SNX6: variants seen among roughly 807,000 people sequenced by gnomAD.
SNX6 encodes sorting nexin 6.
Under a neutral mutation model 63.0 loss-of-function variants are expected in SNX6, and 34 were observed. That is an observed-to-expected ratio of 0.54 (90% CI 0.41 to 0.72). The LOEUF (loss-of-function observed/expected upper bound fraction) is 0.72. SNX6 is among the 30% of genes least tolerant of loss of function. SNX6 has a pLI of 0.00. For missense variants in SNX6, 398 were observed against 471.4 expected (o/e 0.84, Z 1.44); for synonymous variants, 170 against 164.2 (o/e 1.04, Z -0.27).
intron 10 of SNX6, among the ~76,000 whole-genome samples, chr14:34,576,911 G>A (rs1277985394): frequency 4.0e-5 from 6 of 150,392 alleles, no homozygotes; most frequent in Non-Finnish European, 8.9e-5. Flanking sequence ...GTGAAACCCC[G>A]TCTCTACTAA....
chr14:34,574,772 G>A (rs1234734308), intron 11 of SNX6, among the ~76,000 whole-genome samples: 1 of 151,836 alleles, frequency 6.6e-6, no homozygotes, highest in African/African-American at 2.4e-5. Context: ...TGATCAGGCT[G>A]GTCTCGAACT....
At chr14:34,563,415 C>T (rs1263387557) in intron 13 of SNX6, among the ~76,000 whole-genome samples, 3 of 151,958 alleles carry the variant, frequency 2.0e-5, no homozygotes, top group East Asian at 1.9e-4. Flanking sequence ...AAAAATTAGC[C>T]GGGCGTGGTG....
At chr14:34,603,601 G>T in intron 5 of SNX6, 130 bp from the exon 6 acceptor site, 1 of 720,692 alleles carries the variant, frequency 1.4e-6, no homozygotes. Flanking sequence ...TATAATTCAT[G>T]TAAACAAGGT....
chr14:34,607,319 T>C (rs1410502749), intron 4 of SNX6, among the ~76,000 whole-genome samples: 3 of 151,830 alleles, frequency 2.0e-5, no homozygotes, highest in Non-Finnish European at 4.4e-5. Flanking sequence ...TAAAAAAACA[T>C]ATCAGGCTGA....
intron 2 of SNX6, among the ~76,000 whole-genome samples, chr14:34,619,421 C>CA (rs201389023): frequency 3.5e-4 from 52 of 148,012 alleles, no homozygotes; most frequent in Non-Finnish European, 6.1e-4. Context: ...AACTCTGTCT[C>CA]AAAAAAATAT....
At chr14:34,588,216 C>T (rs1304305977) in intron 8 of SNX6, among the ~76,000 whole-genome samples, 1 of 152,026 alleles carries the variant, frequency 6.6e-6, no homozygotes, top group Admixed American at 6.6e-5. Context: ...ACCGTGCTAG[C>T]CAGGATGGTA....
intron 8 of SNX6, among the ~76,000 whole-genome samples, chr14:34,591,098 A>G (rs1436791269): frequency 6.6e-6 from 1 of 152,150 alleles, no homozygotes; most frequent in African/African-American, 2.4e-5. Context: ...AAGGGCCACA[A>G]GAAAACTTTG....
intron 7 of SNX6, among the ~76,000 whole-genome samples, chr14:34,595,630 G>A (rs931232650): frequency 6.6e-6 from 1 of 152,180 alleles, no homozygotes; most frequent in Non-Finnish European, 1.5e-5. Flanking sequence ...TGATATTAAT[G>A]CATAAGCAGC....
intron 2 of SNX6, among the ~76,000 whole-genome samples, chr14:34,619,628 T>G (rs1394073142): frequency 6.6e-6 from 1 of 152,048 alleles, no homozygotes; most frequent in Admixed American, 6.6e-5. Flanking sequence ...AGGAAGACAA[T>G]CAATCTTATG....
intron 2 of SNX6, among the ~76,000 whole-genome samples, chr14:34,623,692 T>C (rs1215239619): frequency 1.3e-5 from 2 of 152,094 alleles, no homozygotes; most frequent in Non-Finnish European, 2.9e-5. Context: ...GATATAAAGA[T>C]GAAGGATATG....
chr14:34,570,698 G>C (rs1278879076), intron 11 of SNX6, among the ~76,000 whole-genome samples: 2 of 150,342 alleles, frequency 1.3e-5, no homozygotes, highest in Non-Finnish European at 3.0e-5. Context: ...TGGGATTACG[G>C]GTGTGAGCCA....
At chr14:34,593,765 A>T (rs1199705816) in intron 7 of SNX6, among the ~76,000 whole-genome samples, 1 of 149,520 alleles carries the variant, frequency 6.7e-6, no homozygotes, top group African/African-American at 2.5e-5. Context: ...TTTTTAGTAG[A>T]GACAGGGTTT....
At chr14:34,587,394 G>T (rs985736167) in intron 8 of SNX6, among the ~76,000 whole-genome samples, 1 of 151,570 alleles carries the variant, frequency 6.6e-6, no homozygotes, top group Admixed American at 6.6e-5. Context: ...TTAGCCGAGT[G>T]TGGTGGCAGG....
chr14:34,605,470 G>T (rs1359472920), intron 5 of SNX6, 126 bp downstream of exon 5: 2 of 718,106 alleles, frequency 2.8e-6, no homozygotes, highest in East Asian at 2.8e-5. Flanking sequence ...ACTTAAACCT[G>T]CATCTTCCAG....
At chr14:34,573,360 A>C (rs1001314633) in intron 11 of SNX6, among the ~76,000 whole-genome samples, 3 of 152,058 alleles carry the variant, frequency 2.0e-5, no homozygotes, top group Admixed American at 6.6e-5. Flanking sequence ...GGATCACTTA[A>C]GGTAAGGAGT....
At chr14:34,608,780 C>A (rs1245907821) in intron 3 of SNX6, among the ~76,000 whole-genome samples, 1 of 152,070 alleles carries the variant, frequency 6.6e-6, no homozygotes, top group African/African-American at 2.4e-5. Flanking sequence ...GTAATCCTAG[C>A]ACTTTGGAAG....
chr14:34,612,816 G>A (rs955243784), intron 2 of SNX6, among the ~76,000 whole-genome samples: 3 of 151,844 alleles, frequency 2.0e-5, no homozygotes, highest in East Asian at 2.0e-4. Flanking sequence ...TTGGGAGGCC[G>A]AAGTGAGTGG....
At chr14:34,616,039 T>C (rs1050059427) in intron 2 of SNX6, among the ~76,000 whole-genome samples, 1 of 152,206 alleles carries the variant, frequency 6.6e-6, no homozygotes, top group Admixed American at 6.5e-5. Context: ...CACTGCAATC[T>C]CCACCTCCAG....
chr14:34,582,178 C>T (rs1466092109), intron 9 of SNX6, among the ~76,000 whole-genome samples: 44 of 143,316 alleles, frequency 3.1e-4, no homozygotes, highest in African/African-American at 1.1e-3. Flanking sequence ...GTTGCACAGG[C>T]CAGAGTGCAG....
Sources: gnomAD v4.1 joint callset for allele counts (sites outside exome capture counted in the v4.1 genomes callset) on GRCh38, gnomAD v4.1.1 for gene constraint, MANE v1.5 for transcripts, NCBI Gene and HGNC (gene_info 2026-07-23, HGNC 2026-07-21) for gene names.